Variants in HLA-DRB5 observed in about 807,000 individuals in gnomAD.
HLA-DRB5 encodes the protein DR beta-5.
HLA-DRB5 carries 11 observed loss-of-function variants against 22.4 expected under a neutral mutation model. That is an observed-to-expected ratio of 0.49 (90% CI 0.31 to 0.81). The LOEUF (loss-of-function observed/expected upper bound fraction) is 0.81, where lower values mean the gene tolerates loss of function less well. Among genes scored for constraint, HLA-DRB5 ranks in the 40% least tolerant of loss-of-function variants. The pLI is 0.05. For synonymous variants in HLA-DRB5, 57 were observed against 106.0 expected, an observed-to-expected ratio of 0.54 and a Z score of 2.84; for missense variants, 106 against 274.4, an observed-to-expected ratio of 0.39 and a Z score of 4.34.
chr6:32,526,036 G>GC (rs1304589655), intron 1 of HLA-DRB5, among the ~76,000 whole-genome samples: 6,237 of 96,478 alleles, frequency 0.065, 45 homozygotes, highest in Admixed American at 0.1. Flanking sequence ...AGCCTCTTTA[G>GC]CCTTTTCCTT....
intron 1 of HLA-DRB5, among the ~76,000 whole-genome samples, chr6:32,523,480 A>G (rs114352435): frequency 0.086 from 2,017 of 23,556 alleles, 589 homozygotes; most frequent in East Asian, 0.1. Flanking sequence ...TGAATAAATA[A>G]AAGCATTTTA....
intron 1 of HLA-DRB5, among the ~76,000 whole-genome samples, chr6:32,524,630 T>C (rs112209031): frequency 0.17 from 15,490 of 92,814 alleles, 95 homozygotes; most frequent in Middle Eastern, 0.22. Context: ...CCTTTAGAAA[T>C]GATGGCAGAG....
intron 1 of HLA-DRB5, among the ~76,000 whole-genome samples, chr6:32,529,369 CAAA>C (rs1562455546): frequency 2.6e-4 from 7 of 27,188 alleles, no homozygotes; most frequent in East Asian, 1.6e-3. Context: ...GATATAGGAG[CAAA>C]TAGTATAGAA....
At position 32,529,372 on chromosome 6, in the gene HLA-DRB5, A is replaced by AGG. The variant is rs1581619429; in HGVS notation, c.100+752_100+753insCC. On this transcript the variant is annotated intron_variant, in intron 1 of 5. Coordinates refer to ENST00000374975, the MANE Select transcript of HLA-DRB5 (RefSeq NM_002125.4). Reference sequence around the variant, plus strand: ...GAGCATGTAGGAGATATAGGAGCAAATAGTATAGAAAGGTTAAAAAAGATT... The same window carrying AGG: ...GAGCATGTAGGAGATATAGGAGCAAAGGTAGTATAGAAAGGTTAAAAAAGATT... Among the ~76,000 whole-genome samples, 21 of 28,294 alleles carry AGG rather than the reference A, an allele frequency of 7.4e-4. No homozygotes were observed. In the East Asian group the frequency reaches 0.01, roughly 14 times the overall value. 18.6% of individuals were successfully genotyped at this position (28,294 alleles called of 152,430 possible). A position where few individuals can be genotyped will look rare whatever the true frequency, so the allele number is the denominator to read the frequency against.
intron 3 of HLA-DRB5, among the ~76,000 whole-genome samples, chr6:32,519,045 T>C (rs796656484): frequency 5.2e-4 from 60 of 115,768 alleles, no homozygotes; most frequent in East Asian, 1.0e-3. Context: ...AACAAATAAC[T>C]CAGATCAACA....
intron 1 of HLA-DRB5, among the ~76,000 whole-genome samples, chr6:32,524,739 A>AGTTGCT (rs1477498309): frequency 5.5e-4 from 40 of 72,490 alleles, no homozygotes; most frequent in East Asian, 2.0e-3. Context: ...ACATTTGTAA[A>AGTTGCT]GTCACTGTCA....
At chr6:32,525,130 T>C (rs201844955) in intron 1 of HLA-DRB5, among the ~76,000 whole-genome samples, 20,476 of 47,074 alleles carry the variant, frequency 0.43, 8,480 homozygotes, top group African/African-American at 0.48. Flanking sequence ...ATTAGAAATT[T>C]TGTCAATAAT....
At chr6:32,528,567 A>C (rs796854149) in intron 1 of HLA-DRB5, among the ~76,000 whole-genome samples, 1 of 43,490 alleles carries the variant, frequency 2.3e-5, no homozygotes, top group African/African-American at 8.8e-5. Context: ...AATACAGGCA[A>C]ATTTCTTCTT....
intron 2 of HLA-DRB5, 87 bp from the exon 3 acceptor site, chr6:32,519,738 C>T (rs111919185): frequency 0.26 from 120,112 of 457,368 alleles, 13,169 homozygotes; most frequent in Admixed American, 0.39. Context: ...TCTGTAAACC[C>T]AGGCTCTGGC....
At chr6:32,521,811 T>TCTCTCTCACACACACA (rs879229020) in intron 2 of HLA-DRB5, 94 bp downstream of exon 2, 5 of 249,342 alleles carry the variant, frequency 2.0e-5, no homozygotes, top group African/African-American at 2.0e-4. Context: ...CCTCTCTCTC[T>TCTCTCTCACACACACA]CACACACACA....
chr6:32,527,651 C>T lies in HLA-DRB5; in HGVS notation c.100+2474G>A, dbSNP rs1419579492. 7.5e-5 allele frequency among the ~76,000 whole-genome samples: 3 copies of T among 40,090 alleles called. 1 individual carries two copies. Among genetic ancestry groups the T allele is most frequent in the Non-Finnish European group, 1.5e-4 (3 of 19,488 alleles). The allele number at this position is 40,090 out of a possible 152,430, so 26.3% of individuals were successfully genotyped here. The stretch of plus-strand genomic sequence containing the variant: ...CAGCACTTTGGGAGTCTCAGGCGGG[C>T]AGATTACTTGAGGTCAGGAGTTGAA... On this transcript the variant is annotated intron_variant, in intron 1 of 5. Coordinates refer to ENST00000374975, the MANE Select transcript of HLA-DRB5 (RefSeq NM_002125.4).
At chr6:32,525,663 C>A (rs1769521733) in intron 1 of HLA-DRB5, among the ~76,000 whole-genome samples, 1 of 93,512 alleles carries the variant, frequency 1.1e-5, no homozygotes, top group Non-Finnish European at 2.2e-5. Context: ...ATTTGTGATA[C>A]TGGGTTTTAC....
At chr6:32,519,832 C>G (rs376174259) in intron 2 of HLA-DRB5, among the ~76,000 whole-genome samples, 181 bp from the exon 3 acceptor site, 1 of 69,936 alleles carries the variant, frequency 1.4e-5, no homozygotes, top group Non-Finnish European at 2.7e-5. Context: ...GGGGGCTCAT[C>G]AGATTTGAGA....
Position 32,530,185 on chromosome 6 carries a change from T to TAAC in HLA-DRB5, c.39_40insGTT (p.Ala13_Lys14insVal). On this transcript the variant is annotated inframe_insertion, in exon 1 of 6. Transcript: ENST00000374975. Reference sequence around the variant, plus strand: ...AGCACCATCAGTGTCACTGTCAGCTTTGCCATGTAGGAACCTCCAGGGAGC... The same window carrying TAAC: ...AGCACCATCAGTGTCACTGTCAGCTTAACTGCCATGTAGGAACCTCCAGGGAGC... The TAAC allele has an allele frequency of 8.0e-7, 1 of 1,245,192 alleles. No individual in the cohort carries two copies. Among genetic ancestry groups the TAAC allele is most frequent in the Non-Finnish European group, 1.1e-6 (1 of 943,088 alleles). 77.1% of individuals were successfully genotyped at this position (1,245,192 alleles called of 1,614,324 possible). A position where few individuals can be genotyped will look rare whatever the true frequency, so the allele number is the denominator to read the frequency against.
chr6:32,528,856 T>C lies in HLA-DRB5; in HGVS notation c.100+1269A>G. ...TGCTCTGGAGGCTGAGGAGGAAGGA[T>C]AGCTTGAGTCTTGGAGGCAGAGGTT... On this transcript the variant is annotated intron_variant, in intron 1 of 5. Transcript: ENST00000374975. Among the ~76,000 whole-genome samples, 4 of 58,686 alleles carry C rather than the reference T, an allele frequency of 6.8e-5. 2 individuals are homozygous for C. Among genetic ancestry groups the C allele is most frequent in the Non-Finnish European group, 1.4e-4 (4 of 27,744 alleles). 38.5% of individuals were successfully genotyped at this position (58,686 alleles called of 152,430 possible).
intron 2 of HLA-DRB5, among the ~76,000 whole-genome samples, chr6:32,520,315 G>T (rs73726165): frequency 0.45 from 17,236 of 38,034 alleles, 6,486 homozygotes; most frequent in Middle Eastern, 0.62. Context: ...GAGTATGAAT[G>T]TTTAGGAATA....
At chr6:32,530,020 A>G (rs1056231827) in intron 1 of HLA-DRB5, 105 bp downstream of exon 1, 19,961 of 479,132 alleles carry the variant, frequency 0.042, 15 homozygotes, top group African/African-American at 0.068. Context: ...CAATCTCTGA[A>G]GAAAATGTCA....
At chr6:32,519,312 A>C in intron 3 of HLA-DRB5, 58 bp downstream of exon 3, 2 of 786,800 alleles carry the variant, frequency 2.5e-6, no homozygotes, top group Non-Finnish European at 3.7e-6. Context: ...ACACTCAGGG[A>C]TTAGTAAAGT....
chr6:32,523,077 G>A (rs192387201), intron 1 of HLA-DRB5, among the ~76,000 whole-genome samples: 8,679 of 101,378 alleles, frequency 0.086, 35 homozygotes, highest in Admixed American at 0.14. Flanking sequence ...AAGCGTTGTG[G>A]GTGGTGTTAG....
Sources: gnomAD v4.1 joint callset for allele counts (sites outside exome capture counted in the v4.1 genomes callset) on GRCh38, gnomAD v4.1.1 for gene constraint, MANE v1.5 for transcripts, NCBI Gene and HGNC (gene_info 2026-07-23, HGNC 2026-07-21) for gene names.